WARS1: variants seen among roughly 807,000 people sequenced by gnomAD.
WARS1 encodes tryptophanyl-tRNA synthetase 1, also known as tryptophan--tRNA ligase, cytoplasmic.
A neutral mutation model predicts 47.8 loss-of-function variants in WARS1; 17 were observed. That is an observed-to-expected ratio of 0.36 (90% confidence interval 0.24 to 0.53). The LOEUF is 0.53. Ranked by LOEUF, WARS1 falls within the 20% of genes least tolerant of loss-of-function variation. WARS1 has a pLI of 0.91. For missense variants in WARS1, 434 were observed against 608.0 expected (o/e 0.71, Z 3.01); for synonymous variants, 208 against 228.1 (o/e 0.91, Z 0.79).
chr14:100,348,888 G>A (rs1471247564), intron 6 of WARS1, among the ~76,000 whole-genome samples: 1 of 152,232 alleles, frequency 6.6e-6, no homozygotes, highest in Admixed American at 6.5e-5. Flanking sequence ...GCAAGCTGCT[G>A]CCACTGTGCT....
chr14:100,353,587 G>A (rs924068540), intron 6 of WARS1, 100 bp downstream of exon 6: 29 of 1,386,520 alleles, frequency 2.1e-5, no homozygotes, highest in Non-Finnish European at 2.8e-5. Context: ...CATTTACTAG[G>A]CCTTAAGACC....
At chr14:100,371,247 A>C (rs952981409) in intron 1 of WARS1, among the ~76,000 whole-genome samples, 4 of 151,016 alleles carry the variant, frequency 2.6e-5, no homozygotes, top group African/African-American at 9.7e-5. Flanking sequence ...CAGGAGTTTG[A>C]GACCAGCCTG....
intron 7 of WARS1, 132 bp from the exon 8 acceptor site, chr14:100,343,519 AG>A: frequency 1.6e-6 from 1 of 625,750 alleles, no homozygotes; most frequent in Non-Finnish European, 2.6e-6. Context: ...AATACAGAAA[AG>A]TAGAAAGAAC....
intron 10 of WARS1, among the ~76,000 whole-genome samples, chr14:100,336,440 G>A (rs1294383558): frequency 3.3e-5 from 5 of 152,128 alleles, no homozygotes; most frequent in African/African-American, 4.8e-5. Context: ...GTTCATGCCC[G>A]CATAATAATC....
At chr14:100,339,374 G>A (rs898218821) in intron 9 of WARS1, among the ~76,000 whole-genome samples, 55 of 152,194 alleles carry the variant, frequency 3.6e-4, no homozygotes, top group Admixed American at 1.6e-3. Context: ...GGCAGATTAC[G>A]AGGTCAGGAG....
chr14:100,346,607 G>A (rs972477540), intron 7 of WARS1, 139 bp downstream of exon 7: 7 of 662,736 alleles, frequency 1.1e-5, no homozygotes, highest in South Asian at 1.9e-5. Flanking sequence ...ACCCACCCAC[G>A]CCTGGGCATC....
intron 1 of WARS1, among the ~76,000 whole-genome samples, chr14:100,372,791 G>C (rs941929): frequency 0.69 from 104,978 of 152,060 alleles, 37,427 homozygotes; most frequent in Admixed American, 0.81. Flanking sequence ...TCCATTACCA[G>C]GGAGTAGCTA....
At chr14:100,352,634 T>C (rs1158565216) in intron 6 of WARS1, among the ~76,000 whole-genome samples, 1 of 152,098 alleles carries the variant, frequency 6.6e-6, no homozygotes, top group Non-Finnish European at 1.5e-5. Context: ...GGGGAATCAC[T>C]TTAGGGGAGG....
chr14:100,359,427 A>G (rs972919583), intron 4 of WARS1, among the ~76,000 whole-genome samples: 6 of 152,198 alleles, frequency 3.9e-5, no homozygotes, highest in African/African-American at 1.4e-4. Flanking sequence ...AAAAGGCCAC[A>G]TGTTACATGA....
At chr14:100,374,148 G>A (rs574488617) in intron 1 of WARS1, 2 of 152,344 alleles carry the variant, frequency 1.3e-5, no homozygotes, top group Admixed American at 6.5e-5. Flanking sequence ...TTCGAAAGGA[G>A]GCTGAGATGC....
At chr14:100,337,946 G>A (rs1192266700) in intron 9 of WARS1, among the ~76,000 whole-genome samples, 1 of 152,178 alleles carries the variant, frequency 6.6e-6, no homozygotes, top group Non-Finnish European at 1.5e-5. Flanking sequence ...AGGAAGGGCA[G>A]CCTCTCTTAG....
chr14:100,338,547 G>T (rs1893906745), intron 9 of WARS1, among the ~76,000 whole-genome samples: 1 of 150,128 alleles, frequency 6.7e-6, no homozygotes, highest in Non-Finnish European at 1.5e-5. Context: ...GATTACAGGT[G>T]TGAGTCACTG....
chr14:100,365,124 T>TACACACAC (rs59205319), intron 2 of WARS1, among the ~76,000 whole-genome samples: 5,445 of 137,738 alleles, frequency 0.04, 137 homozygotes, highest in African/African-American at 0.062. Context: ...TCTCAAAAAA[T>TACACACAC]ACACACACAC....
At chr14:100,364,215 AG>A (rs1895820342) in intron 2 of WARS1, among the ~76,000 whole-genome samples, 1 of 152,224 alleles carries the variant, frequency 6.6e-6, no homozygotes, top group Admixed American at 6.5e-5. Flanking sequence ...AAGAAGAAAA[AG>A]GCTCTGCTCT....
intron 7 of WARS1, among the ~76,000 whole-genome samples, chr14:100,344,435 A>G (rs1566841744): frequency 6.6e-6 from 1 of 151,024 alleles, no homozygotes; most frequent in Non-Finnish European, 1.5e-5. Context: ...GCTCGCTACA[A>G]CCTCCACCTC....
At chr14:100,370,008 G>C (rs373095246) in intron 1 of WARS1, among the ~76,000 whole-genome samples, 3 of 152,192 alleles carry the variant, frequency 2.0e-5, no homozygotes, top group East Asian at 3.9e-4. Context: ...TGAATTCTTG[G>C]GCTTTTGCAG....
chr14:100,362,380 T>G (rs1324594648), intron 2 of WARS1, among the ~76,000 whole-genome samples: 1 of 152,174 alleles, frequency 6.6e-6, no homozygotes, highest in Non-Finnish European at 1.5e-5. Context: ...ATATTTACGT[T>G]AACTTAACCA....
At chr14:100,368,435 G>A (rs987665172) in intron 2 of WARS1, 32 of 455,894 alleles carry the variant, frequency 7.0e-5, no homozygotes, top group African/African-American at 4.6e-4. Flanking sequence ...GTGAAGGTAC[G>A]AATGCTTCAT....
chr14:100,358,344 G>A (rs1895458445), intron 4 of WARS1, among the ~76,000 whole-genome samples: 1 of 151,798 alleles, frequency 6.6e-6, no homozygotes, highest in Non-Finnish European at 1.5e-5. Context: ...GTGTTAGCCA[G>A]GATGGTCTCA....
Sources: gnomAD v4.1 joint callset for allele counts (sites outside exome capture counted in the v4.1 genomes callset) on GRCh38, gnomAD v4.1.1 for gene constraint, MANE v1.5 for transcripts, NCBI Gene and HGNC (gene_info 2026-07-23, HGNC 2026-07-21) for gene names.